The following PCDH15 variants were observed in gnomAD, a reference collection of about 807,000 sequenced individuals.
PCDH15 encodes the protein protocadherin related 15, also known as protocadherin-15.
A neutral mutation model predicts 178.5 loss-of-function variants in PCDH15; 129 were observed. The ratio of observed to expected loss-of-function variants is 0.72; its 90% CI spans 0.63 to 0.84. The LOEUF is 0.84. Ranked by LOEUF, PCDH15 falls within the 40% of genes least tolerant of loss-of-function variation. PCDH15 has a pLI of 0.00. For missense variants in PCDH15, 2,230 were observed against 2,099.9 expected (o/e 1.06, Z -1.21); for synonymous variants, 800 against 732.0 (o/e 1.09, Z -1.50).
chr10:53,823,370 A>G (rs1208390102), intron 32 of PCDH15: 1 of 1,608,726 alleles, frequency 6.2e-7, no homozygotes, highest in East Asian at 2.2e-5. Context: ...TTGAAAGAAA[A>G]GAAGATAATG....
chr10:54,314,965 C>T (rs147011166), intron 8 of PCDH15, among the ~76,000 whole-genome samples: 6 of 152,200 alleles, frequency 3.9e-5, no homozygotes, highest in Non-Finnish European at 5.9e-5. Context: ...GACTCCATGT[C>T]TTTGCTATTG....
Position 53,840,453 on chromosome 10 carries a change from C to A in PCDH15, c.3850G>T (p.Val1284Phe). The change falls in exon 29 of 38, where the codon GTC (valine) becomes TTC (phenylalanine). Residue 1284 changes from valine to phenylalanine, a missense_variant. By Grantham distance (50) the Val-to-Phe change is conservative (BLOSUM62 -1). Transcript: ENST00000644397. ...CGAGCTCCAATGGACTCCACTACGA[C>A]CTTGGCACCAGGAATTTGTTCCTGA... is the stretch of plus-strand genomic sequence containing the variant. ...YVQEQIPGAK[V>F]VVESIGARRH... 1.2e-6 allele frequency: 2 copies of A among 1,614,130 alleles called. No homozygotes were observed. The highest frequency in any genetic ancestry group is 1.7e-6 in the Non-Finnish European group (2 of 1,179,998).
chr10:55,346,930 G>A (rs1300161717), intron 2 of PCDH15, among the ~76,000 whole-genome samples: 1 of 151,932 alleles, frequency 6.6e-6, no homozygotes, highest in Non-Finnish European at 1.5e-5. Flanking sequence ...AAAGATTAAA[G>A]TGAGTTGGGC....
At chr10:55,510,453 GC>G (rs1422328763) in intron 2 of PCDH15, among the ~76,000 whole-genome samples, 2 of 151,916 alleles carry the variant, frequency 1.3e-5, no homozygotes, top group Non-Finnish European at 2.9e-5. Flanking sequence ...AAAGTCACTA[GC>G]TAACGTGTTT....
chr10:55,093,831 A>T (rs1041119413), intron 2 of PCDH15, among the ~76,000 whole-genome samples: 2 of 152,120 alleles, frequency 1.3e-5, no homozygotes, highest in Non-Finnish European at 2.9e-5. Flanking sequence ...GCAAATCAAA[A>T]CCACAATGAG....
intron 1 of PCDH15, among the ~76,000 whole-genome samples, chr10:54,736,811 G>T (rs1376764143): frequency 1.3e-5 from 2 of 152,058 alleles, no homozygotes; most frequent in Non-Finnish European, 2.9e-5. Context: ...AATAGGGTGT[G>T]AGGGAAAAGG....
At chr10:54,366,794 T>C (rs998373585) in intron 5 of PCDH15, among the ~76,000 whole-genome samples, 4 of 151,950 alleles carry the variant, frequency 2.6e-5, no homozygotes, top group African/African-American at 4.8e-5. Flanking sequence ...GTACACACAT[T>C]TGATATTATC....
chr10:53,808,317 A>G, intron 37 of PCDH15: 2 of 513,270 alleles, frequency 3.9e-6, no homozygotes, highest in Non-Finnish European at 4.9e-6. Flanking sequence ...AAAAACATAT[A>G]TAGTGTGTGT....
At chr10:54,732,300 C>T (rs925692438) in intron 1 of PCDH15, among the ~76,000 whole-genome samples, 2 of 151,152 alleles carry the variant, frequency 1.3e-5, no homozygotes, top group Non-Finnish European at 3.0e-5. Flanking sequence ...AGAGACAGAG[C>T]AAGTCAGACA....
At chr10:54,307,532 C>T (rs2060633125) in intron 8 of PCDH15, among the ~76,000 whole-genome samples, 1 of 151,720 alleles carries the variant, frequency 6.6e-6, no homozygotes, top group Admixed American at 6.6e-5. Flanking sequence ...CAAGATACCT[C>T]CCCGTCTGAC....
chr10:54,809,597 T>G (rs1257002774), intron 3 of PCDH15, among the ~76,000 whole-genome samples: 1 of 152,172 alleles, frequency 6.6e-6, no homozygotes, highest in Non-Finnish European at 1.5e-5. Flanking sequence ...AAACCTCATC[T>G]TATCTCAATC....
At chr10:53,817,280 A>G (rs1049246269) in intron 34 of PCDH15, among the ~76,000 whole-genome samples, 2 of 152,156 alleles carry the variant, frequency 1.3e-5, no homozygotes, top group Admixed American at 6.6e-5. Flanking sequence ...CTTCATTGGT[A>G]ACATCACCTG....
chr10:55,036,172 C>T (rs1298439359), intron 2 of PCDH15, among the ~76,000 whole-genome samples: 2 of 152,130 alleles, frequency 1.3e-5, no homozygotes, highest in Non-Finnish European at 2.9e-5. Context: ...ATCACCATTT[C>T]TTTTCCTTTC....
At chr10:55,328,053 G>A (rs1335774872) in intron 2 of PCDH15, among the ~76,000 whole-genome samples, 1 of 151,844 alleles carries the variant, frequency 6.6e-6, no homozygotes, top group Non-Finnish European at 1.5e-5. Flanking sequence ...CATTGCTTGG[G>A]GAAAGTGATT....
At chr10:53,901,069 AT>A (rs1257572631) in intron 26 of PCDH15, among the ~76,000 whole-genome samples, 1 of 151,992 alleles carries the variant, frequency 6.6e-6, no homozygotes, top group Non-Finnish European at 1.5e-5. Flanking sequence ...TTTTCCCTGT[AT>A]TCCTGTCACC....
At chr10:54,119,537 G>A (rs2095177675) in intron 15 of PCDH15, among the ~76,000 whole-genome samples, 1 of 151,988 alleles carries the variant, frequency 6.6e-6, no homozygotes, top group Non-Finnish European at 1.5e-5. Context: ...ATTTCTGAGA[G>A]AGAAAGAGAA....
chr10:54,609,062 T>G (rs1406367424), intron 2 of PCDH15, among the ~76,000 whole-genome samples: 2 of 152,092 alleles, frequency 1.3e-5, no homozygotes, highest in African/African-American at 4.8e-5. Flanking sequence ...AATTATTCAA[T>G]GTGAAACAAA....
intron 2 of PCDH15, among the ~76,000 whole-genome samples, chr10:55,004,267 A>G (rs1416792544): frequency 2.0e-5 from 3 of 152,190 alleles, no homozygotes; most frequent in African/African-American, 7.2e-5. Context: ...ACTACTCAGC[A>G]TAAAGCAGGC....
chr10:55,034,862 T>A (rs188782075), intron 2 of PCDH15, among the ~76,000 whole-genome samples: 16 of 152,254 alleles, frequency 1.1e-4, no homozygotes, highest in Admixed American at 3.9e-4. Context: ...TTAGTTAAAT[T>A]TACTACTTCA....
Sources: allele counts gnomAD v4.1 joint callset (sites outside exome capture counted in the v4.1 genomes callset), GRCh38; gene constraint gnomAD v4.1.1; transcripts MANE v1.5; gene names NCBI Gene and HGNC (gene_info 2026-07-23, HGNC 2026-07-21).